Variants in PCDHA7 observed in about 807,000 individuals in gnomAD.
The protein encoded by PCDHA7 is protocadherin alpha 7.
In PCDHA7, 37 loss-of-function variants were observed where a neutral mutation model predicts 57.2. That is an observed-to-expected ratio of 0.65 (90% CI 0.50 to 0.85). PCDHA7 has a LOEUF of 0.85. PCDHA7 is among the 40% of genes least tolerant of loss of function. PCDHA7 has a pLI of 0.00. For synonymous variants in PCDHA7, 553 were observed against 558.8 expected (o/e 0.99, Z 0.15); for missense variants, 1,188 against 1,241.8 (o/e 0.96, Z 0.65).
intron 1 of PCDHA7, among the ~76,000 whole-genome samples, chr5:140,908,888 C>T (rs2074210125): frequency 1.3e-5 from 2 of 152,122 alleles, no homozygotes; most frequent in African/African-American, 4.8e-5. Flanking sequence ...CCAATAGTCC[C>T]AAATAAGCCT....
chr5:140,968,370 A>T (rs1169551068), intron 1 of PCDHA7: 1 of 1,613,428 alleles, frequency 6.2e-7, no homozygotes, highest in African/African-American at 1.3e-5. Flanking sequence ...TATGCTGTCA[A>T]CTCCTTTGAC....
chr5:140,886,023 C>A (rs759768435), intron 1 of PCDHA7, among the ~76,000 whole-genome samples: 5 of 152,078 alleles, frequency 3.3e-5, no homozygotes, highest in Non-Finnish European at 7.4e-5. Flanking sequence ...GCTATGTATT[C>A]TTCACTAAGT....
At chr5:140,979,894 C>G (rs1183667310) in intron 2 of PCDHA7, among the ~76,000 whole-genome samples, 2 of 152,206 alleles carry the variant, frequency 1.3e-5, no homozygotes, top group African/African-American at 4.8e-5. Context: ...ATTCACCAAA[C>G]TTAGATCAGT....
At chr5:140,843,733 T>C (rs2150365726) in intron 1 of PCDHA7, 1 of 1,549,552 alleles carries the variant, frequency 6.5e-7, no homozygotes. Flanking sequence ...CATTTAAATT[T>C]AGAACTCATA....
intron 1 of PCDHA7, among the ~76,000 whole-genome samples, chr5:140,880,869 G>C (rs1017640769): frequency 6.6e-6 from 1 of 152,064 alleles, no homozygotes. Context: ...TATGTGAAGA[G>C]GTAAATAAAG....
chr5:140,849,999 C>A, intron 1 of PCDHA7: 1 of 1,597,044 alleles, frequency 6.3e-7, no homozygotes, highest in East Asian at 2.2e-5. Flanking sequence ...GTTGGGCGAG[C>A]GCTCGCTGTC....
chr5:140,943,129 G>T (rs2093422146), intron 1 of PCDHA7, among the ~76,000 whole-genome samples: 1 of 151,684 alleles, frequency 6.6e-6, no homozygotes, highest in South Asian at 2.1e-4. Flanking sequence ...GTGGTAGTGG[G>T]TGCCTGTAGT....
At position 141,010,210 on chromosome 5, in the gene PCDHA7, G is replaced by A. The variant is rs2098416466; in HGVS notation, c.*273G>A. ...AGTTTCCTTTCTCCTCCGCCGCAAA[G>A]GAGAGGCTTCCCAGCCCCGCCAGTG... On this transcript the variant is annotated 3_prime_UTR_variant, in exon 4 of 4. Transcript: ENST00000525929. 4 of 1,551,736 alleles carry A rather than the reference G, an allele frequency of 2.6e-6. No homozygotes were observed. Among genetic ancestry groups the A allele is most frequent in the African/African-American group, 1.4e-5 (1 of 73,050 alleles).
chr5:140,910,944 C>A (rs1177154353), intron 1 of PCDHA7, among the ~76,000 whole-genome samples: 1 of 152,146 alleles, frequency 6.6e-6, no homozygotes, highest in Non-Finnish European at 1.5e-5. Flanking sequence ...TCAAGCAGTT[C>A]TTTTCGAGTG....
At position 140,834,416 on chromosome 5, in the gene PCDHA7, CCGA is replaced by C; in HGVS notation, c.35_37del (p.Arg12del). On this transcript the variant is annotated inframe_deletion, in exon 1 of 4. Transcript: ENST00000525929. Reference sequence around the variant, plus strand: ...GCCCGAATGGATACGACCCAGGGGGCCGACATCTACTGCTGTTTATTATAATTC... The same window carrying C: ...GCCCGAATGGATACGACCCAGGGGGCCATCTACTGCTGTTTATTATAATTC... The C allele has an allele frequency of 6.2e-7, 1 of 1,611,158 alleles. No individual in the cohort carries two copies.
At position 140,876,236 on chromosome 5, in the gene PCDHA7, T is replaced by A. The variant is rs782328225; in HGVS notation, c.2355+39498T>A. ...TATAAAGTAGTGTTGTCTGAAAATG[T>A]CCAAAACGACACAAGAGTGATCCAA... On this transcript the variant is annotated intron_variant, in intron 1 of 3. Coordinates refer to ENST00000525929, the MANE Select transcript of PCDHA7 (RefSeq NM_018910.3). The A allele has an allele frequency of 6.2e-7, 1 of 1,613,856 alleles. No homozygotes were observed. Among genetic ancestry groups the A allele is most frequent in the African/African-American group, 1.3e-5 (1 of 74,914 alleles).
At chr5:140,945,147 T>C (rs1554216774) in intron 1 of PCDHA7, among the ~76,000 whole-genome samples, 1 of 152,154 alleles carries the variant, frequency 6.6e-6, no homozygotes, top group Non-Finnish European at 1.5e-5. Flanking sequence ...ATAGCATTTC[T>C]ATACACTATT....
rs1554262487 is a variant in PCDHA7, at chr5:141,009,847, G to T, written c.2724G>T (p.Glu908Asp). ...TCATAACCTTCGGCAAAAAGGAGGA[G>T]ACCAAGAAAAAGAAGAAAAAGAAGA... ...SDFITFGKKE[E>D]TKKKKKKKKG... Residue 908 changes from glutamate (E) to aspartate (D), a missense_variant, in exon 4 of 4, where the codon GAG (glutamate) becomes GAT (aspartate). Glu to Asp is a conservative substitution (Grantham distance 45). Coordinates refer to ENST00000525929, the MANE Select transcript of PCDHA7 (RefSeq NM_018910.3). 1 of 1,613,870 alleles carries T rather than the reference G, an allele frequency of 6.2e-7. No homozygotes were observed. Among genetic ancestry groups the T allele is most frequent in the Non-Finnish European group, 8.5e-7 (1 of 1,180,010 alleles).
At chr5:140,894,960 A>G (rs1277191439) in intron 1 of PCDHA7, among the ~76,000 whole-genome samples, 1 of 152,170 alleles carries the variant, frequency 6.6e-6, no homozygotes, top group African/African-American at 2.4e-5. Context: ...ATAAAAATAT[A>G]ATTTTTTAAT....
In PCDHA7 at chr5:140,846,411, A is replaced by G. The variant is rs2150390591; in HGVS notation, c.2355+9673A>G. On this transcript the variant is annotated intron_variant, in intron 1 of 3. Transcript: ENST00000525929. ...TTTTTTTGAGACGGAGTCTCGCTCT[A>G]TCTCCCAGGCTGGAATGCAGTGGCG... is the stretch of plus-strand genomic sequence containing the variant. Among the ~76,000 whole-genome samples the G allele has an allele frequency of 5.5e-3, 604 of 109,334 alleles. 20 individuals are homozygous for G. The highest frequency in any genetic ancestry group is 0.021 in the African/African-American group (587 of 27,602). 71.7% of individuals were successfully genotyped at this position (109,334 alleles called of 152,430 possible). A position where few individuals can be genotyped will look rare whatever the true frequency, so the allele number is the denominator to read the frequency against.
At chr5:141,003,832 G>C (rs1261830894) in intron 3 of PCDHA7, among the ~76,000 whole-genome samples, 1 of 152,102 alleles carries the variant, frequency 6.6e-6, no homozygotes, top group Non-Finnish European at 1.5e-5. Flanking sequence ...TCTGCCTAAC[G>C]ATTCAGACCC....
At position 140,979,482 on chromosome 5, in the gene PCDHA7, C is replaced by A. The variant is rs568650143; in HGVS notation, c.2414+475C>A. On this transcript the variant is annotated intron_variant, in intron 2 of 3. Coordinates refer to ENST00000525929, the MANE Select transcript of PCDHA7 (RefSeq NM_018910.3). Reference sequence around the variant, plus strand: ...ATTGATTGCTATTGTTGTTTGTGTTCACACCTATTAGAGCCTCCTCATCTT... The same window carrying A: ...ATTGATTGCTATTGTTGTTTGTGTTAACACCTATTAGAGCCTCCTCATCTT... Among the ~76,000 whole-genome samples, 6 of 152,068 alleles carry A rather than the reference C, an allele frequency of 3.9e-5. No homozygotes were observed. In the South Asian group the frequency reaches 1.0e-3, roughly 26 times the overall value.
intron 1 of PCDHA7, chr5:140,857,310 A>C (rs781828328): frequency 6.3e-7 from 1 of 1,598,608 alleles, no homozygotes; most frequent in Admixed American, 1.7e-5. Flanking sequence ...TCGGCCTATG[A>C]GCTGGTGGTG....
At chr5:140,923,785 C>T (rs2081509867) in intron 1 of PCDHA7, among the ~76,000 whole-genome samples, 1 of 152,156 alleles carries the variant, frequency 6.6e-6, no homozygotes, top group African/African-American at 2.4e-5. Flanking sequence ...ATGGTTTCTT[C>T]ATTCTTTTCA....
Sources: gnomAD v4.1 joint callset for allele counts (sites outside exome capture counted in the v4.1 genomes callset) on GRCh38, gnomAD v4.1.1 for gene constraint, MANE v1.5 for transcripts, NCBI Gene and HGNC (gene_info 2026-07-23, HGNC 2026-07-21) for gene names.